The following PTPRD variants were observed in gnomAD, a reference collection of about 807,000 sequenced individuals.
The protein encoded by PTPRD is receptor-type tyrosine-protein phosphatase delta.
In PTPRD, 34 loss-of-function variants were observed where a neutral mutation model predicts 214.5. The ratio of observed to expected loss-of-function variants is 0.16; its 90% CI spans 0.12 to 0.21. The LOEUF (loss-of-function observed/expected upper bound fraction) is 0.21, where lower values mean the gene tolerates loss of function less well. Ranked by LOEUF, PTPRD falls within the 10% of genes least tolerant of loss-of-function variation. The probability of loss-of-function intolerance (pLI) is 1.00; values close to 1 mark genes in which losing one functional copy is unlikely to be tolerated. For missense variants in PTPRD, 2,545 were observed against 2,398.7 expected, an observed-to-expected ratio of 1.06 and a Z score of -1.27; for synonymous variants, 1,128 against 845.7, an observed-to-expected ratio of 1.33 and a Z score of -5.79.
At chr9:10,453,287 T>C (rs571260386) in intron 2 of PTPRD, among the ~76,000 whole-genome samples, 1 of 151,804 alleles carries the variant, frequency 6.6e-6, no homozygotes, top group Admixed American at 6.6e-5. Flanking sequence ...TCAAGATTCT[T>C]TGACTATTCA....
chr9:8,757,278 G>A (rs1394955645), intron 11 of PTPRD, among the ~76,000 whole-genome samples: 1 of 152,082 alleles, frequency 6.6e-6, no homozygotes, highest in Non-Finnish European at 1.5e-5. Context: ...GAAAATATAG[G>A]GAATGTGAAC....
intron 3 of PTPRD, among the ~76,000 whole-genome samples, chr9:10,250,110 T>C (rs985233466): frequency 7.2e-5 from 11 of 152,214 alleles, no homozygotes; most frequent in African/African-American, 2.4e-4. Flanking sequence ...AAGTACTTAG[T>C]ATGTATTATC....
At chr9:8,779,793 C>T (rs2095622536) in intron 11 of PTPRD, among the ~76,000 whole-genome samples, 1 of 149,506 alleles carries the variant, frequency 6.7e-6, no homozygotes, top group East Asian at 2.0e-4. Flanking sequence ...TTTGCTCACA[C>T]ATTATGTCGA....
chr9:8,814,590 T>C (rs142411227), intron 11 of PTPRD, among the ~76,000 whole-genome samples: 26 of 152,156 alleles, frequency 1.7e-4, no homozygotes, highest in Middle Eastern at 3.4e-3. Flanking sequence ...GTGTTGAAAT[T>C]GTGAGTGAAA....
chr9:10,407,181 G>C (rs2098377368), intron 2 of PTPRD, among the ~76,000 whole-genome samples: 1 of 151,358 alleles, frequency 6.6e-6, no homozygotes, highest in Non-Finnish European at 1.5e-5. Flanking sequence ...AGAGTCTGAA[G>C]GTTTAATCTA....
chr9:8,748,833 C>T (rs1290722974), intron 11 of PTPRD, among the ~76,000 whole-genome samples: 1 of 152,056 alleles, frequency 6.6e-6, no homozygotes, highest in Non-Finnish European at 1.5e-5. Flanking sequence ...ATCGCTTGAA[C>T]CCAGGAGCGG....
intron 4 of PTPRD, among the ~76,000 whole-genome samples, chr9:10,031,625 C>CATATATATAT (rs1171466919): frequency 1.9e-4 from 17 of 87,362 alleles, no homozygotes; most frequent in African/African-American, 4.2e-4. Flanking sequence ...TAAAAAACTC[C>CATATATATAT]ATATATATAT....
At chr9:10,117,404 C>T (rs1459695008) in intron 3 of PTPRD, among the ~76,000 whole-genome samples, 2 of 151,966 alleles carry the variant, frequency 1.3e-5, no homozygotes, top group Non-Finnish European at 2.9e-5. Flanking sequence ...TACTTGGTGG[C>T]TTACAAAAAC....
intron 11 of PTPRD, among the ~76,000 whole-genome samples, chr9:8,770,243 C>A (rs1307942744): frequency 4.0e-5 from 6 of 151,766 alleles, no homozygotes; most frequent in African/African-American, 1.2e-4. Flanking sequence ...AGATCAAGCC[C>A]ACTGCATTCC....
intron 30 of PTPRD, among the ~76,000 whole-genome samples, 153 bp from the exon 31 acceptor site, chr9:8,471,238 G>A (rs902644860): frequency 6.6e-6 from 1 of 152,066 alleles, no homozygotes; most frequent in Non-Finnish European, 1.5e-5. Context: ...ATATCCACCT[G>A]TTTGTTCAAT....
At chr9:8,876,892 G>T (rs1489793566) in intron 11 of PTPRD, among the ~76,000 whole-genome samples, 1 of 151,752 alleles carries the variant, frequency 6.6e-6, no homozygotes, top group South Asian at 2.1e-4. Context: ...TATCCTCCTT[G>T]GCCCTTTCCT....
chr9:9,425,006 G>T (rs899037619), intron 8 of PTPRD, among the ~76,000 whole-genome samples: 1 of 152,134 alleles, frequency 6.6e-6, no homozygotes, highest in East Asian at 1.9e-4. Flanking sequence ...TTCAGCAGAA[G>T]TGTTATTATA....
rs148556887 is a variant in PTPRD at position 9,757,720 on chromosome 9, T to A, written c.-326+9090A>T. ...ATATTATGCATTCTATTATTCAGTT[T>A]CTCATATAAATATAAGAAAGGATAT... On this transcript the variant is annotated intron_variant, in intron 6 of 45. Coordinates refer to ENST00000381196, the MANE Select transcript of PTPRD (RefSeq NM_002839.4). Among the ~76,000 whole-genome samples the A allele has an allele frequency of 6.0e-3, 913 of 152,216 alleles. 9 individuals are homozygous for A. Among genetic ancestry groups the A allele is most frequent in the South Asian group, 0.018 (89 of 4,814 alleles).
At chr9:9,131,842 T>TTTTTTTTTTTTTTTTTTTTGAG (rs1253047538) in intron 10 of PTPRD, among the ~76,000 whole-genome samples, 2 of 152,158 alleles carry the variant, frequency 1.3e-5, no homozygotes, top group African/African-American at 2.4e-5. Flanking sequence ...ATATGTTTCT[T>TTTTTTTTTTTTTTTTTTTTGAG]AAAACAACAT....
At chr9:9,730,704 G>A (rs2098173956) in intron 7 of PTPRD, among the ~76,000 whole-genome samples, 1 of 152,050 alleles carries the variant, frequency 6.6e-6, no homozygotes, top group Non-Finnish European at 1.5e-5. Flanking sequence ...CCAAAGGATA[G>A]ACTGAAATCT....
In PTPRD at chr9:10,193,849, A is replaced by C. The variant is rs561626925; in HGVS notation, c.-545+147114T>G. ...GCACTCATATGGGCACTGACGAAGA[A>C]AAAATGCAAAATTTTAAAAATTAAA... On this transcript the variant is annotated intron_variant, in intron 3 of 45. Transcript: ENST00000381196. 2.0e-5 allele frequency among the ~76,000 whole-genome samples: 3 copies of C among 152,262 alleles called. No homozygotes were observed. The South Asian group carries it at 6.2e-4, about 32-fold the overall frequency.
At chr9:9,317,135 A>T (rs1963672857) in intron 9 of PTPRD, among the ~76,000 whole-genome samples, 2 of 152,150 alleles carry the variant, frequency 1.3e-5, no homozygotes, top group South Asian at 4.1e-4. Flanking sequence ...CATTTCTCTG[A>T]AAGTACATAA....
chr9:9,735,295 C>G (rs1596324940), intron 6 of PTPRD, among the ~76,000 whole-genome samples: 5 of 152,126 alleles, frequency 3.3e-5, no homozygotes, highest in Admixed American at 3.3e-4. Flanking sequence ...TGTGTTTGAG[C>G]AGAAATATTG....
At chr9:8,591,030 T>C (rs34263623) in intron 14 of PTPRD, among the ~76,000 whole-genome samples, 1 of 152,140 alleles carries the variant, frequency 6.6e-6, no homozygotes, top group Non-Finnish European at 1.5e-5. Flanking sequence ...CCTTGGCTTG[T>C]GATCCTTTTT....
Sources: gnomAD v4.1 joint callset for allele counts (sites outside exome capture counted in the v4.1 genomes callset) on GRCh38, gnomAD v4.1.1 for gene constraint, MANE v1.5 for transcripts, NCBI Gene and HGNC (gene_info 2026-07-23, HGNC 2026-07-21) for gene names.